The following GGTLC1 variants were observed in gnomAD, a reference collection of about 807,000 sequenced individuals.
The protein encoded by GGTLC1 is glutathione hydrolase light chain 1.
GGTLC1 carries 14 observed loss-of-function variants against 19.5 expected under a neutral mutation model. The observed-to-expected ratio is 0.72, with a 90% CI of 0.47 to 1.12. The LOEUF is 1.12. Ranked by LOEUF, GGTLC1 falls within the 50% of genes most tolerant of loss-of-function variation. The pLI is 0.00. For synonymous variants in GGTLC1, 110 were observed against 124.2 expected (o/e 0.89, Z 0.76); for missense variants, 304 against 309.2 (o/e 0.98, Z 0.13).
chr20:23,987,417 G>A (rs968514727), intron 1 of GGTLC1, among the ~76,000 whole-genome samples: 2 of 152,172 alleles, frequency 1.3e-5, no homozygotes, highest in Admixed American at 6.5e-5. Context: ...CTGGGTGGGA[G>A]AAAGAGAAGA....
rs1351295739 is a variant in GGTLC1 at position 23,988,694 on chromosome 20, C to T, written c.-120G>A. On this transcript the variant is annotated 5_prime_UTR_variant, in exon 1 of 6. Coordinates refer to ENST00000335694, the MANE Select transcript of GGTLC1 (RefSeq NM_178311.3). Reference sequence around the variant, plus strand: ...CGCCCACTCCCTCAGGTTTAAAAGGCGCGTTGCCCGGCAGCAGAAGAAACT... The same window carrying T: ...CGCCCACTCCCTCAGGTTTAAAAGGTGCGTTGCCCGGCAGCAGAAGAAACT... 14 of 290,024 alleles carry T rather than the reference C, an allele frequency of 4.8e-5. No individual in the cohort carries two copies. Among genetic ancestry groups the T allele is most frequent in the Non-Finnish European group, 8.0e-5 (14 of 174,030 alleles). The allele number at this position is 290,024 out of a possible 1,614,324, so 18.0% of individuals were successfully genotyped here.
intron 5 of GGTLC1, 130 bp from the exon 6 acceptor site, chr20:23,985,492 C>T: frequency 6.3e-7 from 1 of 1,596,498 alleles, no homozygotes; most frequent in Non-Finnish European, 8.5e-7. Context: ...CAGGTTGGGG[C>T]CTGCTGGGTC....
In GGTLC1 at chr20:23,986,458, C is replaced by G. The variant is rs371694918; in HGVS notation, c.154G>C (p.Ala52Pro). ...VVAEDGSAVS[A>P]TSTINLYFGS... ...TACTAGAGGTTGATGGTGCTGGTGG[C>G]GGACACAGCACTGCCGTCCTCTGCG... Residue 52 changes from alanine to proline, a missense_variant, in exon 2 of 6, where the codon GCC becomes CCC. By Grantham distance (27) the Ala-to-Pro change is conservative. Coordinates refer to ENST00000335694, the MANE Select transcript of GGTLC1 (RefSeq NM_178311.3). 300 of 1,611,752 alleles carry G rather than the reference C, an allele frequency of 1.9e-4. 5 individuals carry two copies. The South Asian group carries it at 2.2e-3, about 12-fold the overall frequency.
Position 23,988,730 on chromosome 20 carries a change from C to G in GGTLC1, c.-156G>C, listed in dbSNP as rs539568462. The G allele has an allele frequency of 1.6e-4, 40 of 243,500 alleles. No homozygotes were observed. The South Asian group carries it at 2.6e-3, about 16-fold the overall frequency. 15.1% of individuals were successfully genotyped at this position (243,500 alleles called of 1,614,324 possible). ...GCAGCAGAAGAAACTGCTGGCTTCG[C>G]CTTTGGCCGAGTTGGCGGCTGGACG... On this transcript the variant is annotated 5_prime_UTR_variant, in exon 1 of 6. Coordinates refer to ENST00000335694, the MANE Select transcript of GGTLC1 (RefSeq NM_178311.3).
Position 23,985,785 on chromosome 20 carries a change from G to T in GGTLC1, c.418-5C>A. 3 of 1,612,046 alleles carry T rather than the reference G, an allele frequency of 1.9e-6. No individual in the cohort carries two copies. The highest frequency in any genetic ancestry group is 2.5e-6 in the Non-Finnish European group (3 of 1,179,870). ...CCAGAGGTTGTAGATGATGGCCTGGGGCATGGGAGTGTGATCAGCATGGCT... is the reference window on the plus strand; with the variant it reads ...CCAGAGGTTGTAGATGATGGCCTGGTGCATGGGAGTGTGATCAGCATGGCT... On this transcript the variant is annotated splice_region_variant and splice_polypyrimidine_tract_variant and intron_variant, in intron 4 of 5. Coordinates refer to ENST00000335694, the MANE Select transcript of GGTLC1 (RefSeq NM_178311.3).
chr20:23,987,448 G>A (rs1987996723), intron 1 of GGTLC1, among the ~76,000 whole-genome samples: 3 of 152,192 alleles, frequency 2.0e-5, no homozygotes, highest in South Asian at 2.1e-4. Flanking sequence ...GCGCCGACTA[G>A]CGAGGTAAAC....
Position 23,986,631 on chromosome 20 carries a change from G to C in GGTLC1, c.-20C>G. ...GGTCATGTCGCGGACCACCTGCCGA[G>C]ACCCCAGAGCTGGCCTAGGGAGGTG... On this transcript the variant is annotated 5_prime_UTR_variant, in exon 2 of 6. Coordinates refer to ENST00000335694, the MANE Select transcript of GGTLC1 (RefSeq NM_178311.3). 2 of 1,059,934 alleles carry C rather than the reference G, an allele frequency of 1.9e-6. No homozygotes were observed. Among genetic ancestry groups the C allele is most frequent in the Non-Finnish European group, 2.7e-6 (2 of 747,244 alleles). 65.7% of individuals were successfully genotyped at this position (1,059,934 alleles called of 1,614,324 possible). A position where few individuals can be genotyped will look rare whatever the true frequency, so the allele number is the denominator to read the frequency against.
intron 1 of GGTLC1, among the ~76,000 whole-genome samples, chr20:23,988,195 C>T (rs1430984535): frequency 6.7e-6 from 1 of 148,494 alleles, no homozygotes; most frequent in African/African-American, 2.5e-5. Flanking sequence ...ACTACAGGCG[C>T]ATGCCACCAT....
intron 5 of GGTLC1, 26 bp downstream of exon 5, chr20:23,985,641 C>T (rs1987833909): frequency 1.2e-6 from 2 of 1,611,660 alleles, no homozygotes; most frequent in Non-Finnish European, 8.5e-7. Context: ...CACACCGTGA[C>T]TCAGTTTCTC....
In GGTLC1 at chr20:23,985,658, C is replaced by T. The variant is rs371636013; in HGVS notation, c.531+9G>A. On this transcript the variant is annotated intron_variant, in intron 5 of 5. Transcript: ENST00000335694. ...CACCGTGACTCAGTTTCTCCAACCC[C>T]CAGCCCACCTGGTCAATGTTTCTCT... The T allele has an allele frequency of 5.6e-6, 9 of 1,611,798 alleles. No individual in the cohort carries two copies. Among genetic ancestry groups the T allele is most frequent in the African/African-American group, 1.3e-5 (1 of 74,872 alleles).
In GGTLC1 at chr20:23,986,070, C is replaced by T; in HGVS notation, c.304+6G>A. 1 of 1,613,864 alleles carries T rather than the reference C, an allele frequency of 6.2e-7. No homozygotes were observed. Among genetic ancestry groups the T allele is most frequent in the Non-Finnish European group, 8.5e-7 (1 of 1,179,862 alleles). ...AGTCCCCCACCCTCGGACCTCCACC[C>T]CATACCTGGCTGGATGAAATTGGCA... On this transcript the variant is annotated splice_donor_region_variant and intron_variant, in intron 3 of 5. Transcript: ENST00000335694.
Position 23,985,890 on chromosome 20 carries a change from C to T in GGTLC1, c.389G>A (p.Gly130Asp), listed in dbSNP as rs1474175954. The change falls in exon 4 of 6, where the codon GGC becomes GAC. Residue 130 changes from glycine to aspartate, a missense_variant. Gly to Asp is a moderately conservative substitution (Grantham distance 94). Transcript: ENST00000335694. ...QVRMVVGAAGGTQITMATALA... is the reference protein window; with the variant it reads ...QVRMVVGAAGDTQITMATALA... ...TGCAGTGGCCATGGTGATCTGCGTG[C>T]CCCCGGCAGCTCCCACCACCATCCG... 5.0e-6 allele frequency: 8 copies of T among 1,611,994 alleles called. No individual in the cohort carries two copies. Among genetic ancestry groups the T allele is most frequent in the South Asian group, 2.2e-5 (2 of 90,974 alleles).
In GGTLC1 at chr20:23,985,883, C is replaced by A; in HGVS notation, c.396G>T (p.Gln132His). ...ATACCAGTGCAGTGGCCATGGTGAT[C>A]TGCGTGCCCCCGGCAGCTCCCACCA... ...RMVVGAAGGTQITMATALAII... is the reference protein window; with the variant it reads ...RMVVGAAGGTHITMATALAII... Residue 132 changes from glutamine to histidine, a missense_variant, in exon 4 of 6, where the codon CAG becomes CAT. Physicochemically the swap from Gln to His is conservative, Grantham distance 24. Transcript: ENST00000335694. The A allele has an allele frequency of 8.7e-6, 14 of 1,612,064 alleles. No homozygotes were observed. Among genetic ancestry groups the A allele is most frequent in the Non-Finnish European group, 1.2e-5 (14 of 1,179,870 alleles).
intron 1 of GGTLC1, among the ~76,000 whole-genome samples, chr20:23,987,705 T>C (rs575140578): frequency 7.5e-4 from 114 of 151,740 alleles, no homozygotes; most frequent in African/African-American, 2.6e-3. Context: ...ACAGAGAGGA[T>C]GGACCCGAAG....
At position 23,988,703 on chromosome 20, in the gene GGTLC1, C is replaced by G. The variant is rs570457514; in HGVS notation, c.-129G>C. ...CCTCAGGTTTAAAAGGCGCGTTGCC[C>G]GGCAGCAGAAGAAACTGCTGGCTTC... On this transcript the variant is annotated 5_prime_UTR_variant, in exon 1 of 6. Transcript: ENST00000335694. The G allele has an allele frequency of 1.1e-5, 3 of 270,012 alleles. No homozygotes were observed. The East Asian group carries it at 3.4e-4, about 31-fold the overall frequency. 16.7% of individuals were successfully genotyped at this position (270,012 alleles called of 1,614,324 possible).
Position 23,985,082 on chromosome 20 carries a change from A to C in GGTLC1, c.*134T>G. ...GAGACAGGCCAGGGAGGCCACCTGG[A>C]GCCTGGCACAGTGGCCTCATTTATT... is the stretch of plus-strand genomic sequence containing the variant. On this transcript the variant is annotated 3_prime_UTR_variant, in exon 6 of 6. Transcript: ENST00000335694. 3 of 1,365,464 alleles carry C rather than the reference A, an allele frequency of 2.2e-6. No homozygotes were observed. In the South Asian group the frequency reaches 4.0e-5, roughly 18 times the overall value. 84.6% of individuals were successfully genotyped at this position (1,365,464 alleles called of 1,614,324 possible).
Position 23,985,093 on chromosome 20 carries a change from G to A in GGTLC1, c.*123C>T, listed in dbSNP as rs535581993. 6.9e-7 allele frequency: 1 copy of A among 1,458,812 alleles called. No homozygotes were observed. The highest frequency in any genetic ancestry group is 2.4e-5 in the East Asian group (1 of 40,844). 90.4% of individuals were successfully genotyped at this position (1,458,812 alleles called of 1,614,324 possible). Reference sequence around the variant, plus strand: ...GGGAGGCCACCTGGAGCCTGGCACAGTGGCCTCATTTATTGTGCTGCTCTG... The same window carrying A: ...GGGAGGCCACCTGGAGCCTGGCACAATGGCCTCATTTATTGTGCTGCTCTG... On this transcript the variant is annotated 3_prime_UTR_variant, in exon 6 of 6. Transcript: ENST00000335694.
At chr20:23,986,283 TACTC>T (rs2058587884) in intron 2 of GGTLC1, 80 bp from the exon 3 acceptor site, 1 of 1,598,844 alleles carries the variant, frequency 6.3e-7, no homozygotes, top group South Asian at 1.1e-5. Context: ...GGCTCAAACA[TACTC>T]ACTGAGAGGC....
chr20:23,985,336 C>T lies in GGTLC1; in HGVS notation c.558G>A (p.Arg186=). The T allele has an allele frequency of 6.2e-7, 1 of 1,611,938 alleles. No individual in the cohort carries two copies. The highest frequency in any genetic ancestry group is 1.1e-5 in the South Asian group (1 of 90,988). The change falls in exon 6 of 6, where the codon CGG becomes CGA. Residue 186 remains arginine (R), a synonymous_variant. Coordinates refer to ENST00000335694, the MANE Select transcript of GGTLC1 (RefSeq NM_178311.3). ...DQEVTAALET[R]HHHTQITSTF... Reference sequence around the variant, plus strand: ...TGGACGTGATCTGGGTGTGATGGTGCCGGGTCTCCAGGGCTGCAGTCACTT... The same window carrying T: ...TGGACGTGATCTGGGTGTGATGGTGTCGGGTCTCCAGGGCTGCAGTCACTT...
Sources: allele counts gnomAD v4.1 joint callset (sites outside exome capture counted in the v4.1 genomes callset), GRCh38; gene constraint gnomAD v4.1.1; transcripts MANE v1.5; gene names NCBI Gene and HGNC (gene_info 2026-07-23, HGNC 2026-07-21).